TCTN3: variants seen among roughly 807,000 people sequenced by gnomAD.
TCTN3 encodes the protein tectonic family member 3.
Under a neutral mutation model 71.3 loss-of-function variants are expected in TCTN3, and 57 were observed. The ratio of observed to expected loss-of-function variants is 0.80; its 90% CI spans 0.65 to 1.00. The LOEUF is 1.00. TCTN3 is among the 50% of genes least tolerant of loss of function. TCTN3 has a pLI of 0.00. For missense variants in TCTN3, 696 were observed against 719.9 expected (o/e 0.97, Z 0.38); for synonymous variants, 258 against 267.8 (o/e 0.96, Z 0.36).
At position 95,688,247 on chromosome 10, in the gene TCTN3, G is replaced by A. The variant is rs368208809; in HGVS notation, c.500-528C>T. On this transcript the variant is annotated intron_variant, in intron 3 of 13. Coordinates refer to ENST00000371217, the MANE Select transcript of TCTN3 (RefSeq NM_015631.6). ...CTACTAAAAATACAAAAAATTAGCC[G>A]GACATGGTGGCAGGCGCCTGTAATC... is the stretch of plus-strand genomic sequence containing the variant. Among the ~76,000 whole-genome samples the A allele has an allele frequency of 4.2e-4, 64 of 151,768 alleles. No individual in the cohort carries two copies. The Middle Eastern group carries it at 0.02, about 48-fold the overall frequency.
In TCTN3 at chr10:95,663,986, G is replaced by A. The variant is rs1223087761; in HGVS notation, c.*81C>T. 1.6e-5 allele frequency: 18 copies of A among 1,130,816 alleles called. No individual in the cohort carries two copies. Among genetic ancestry groups the A allele is most frequent in the African/African-American group, 3.1e-5 (2 of 65,142 alleles). The allele number at this position is 1,130,816 out of a possible 1,614,324, so 70.0% of individuals were successfully genotyped here. On this transcript the variant is annotated 3_prime_UTR_variant, in exon 14 of 14. Transcript: ENST00000371217. The stretch of plus-strand genomic sequence containing the variant: ...CTAAATGCTCTCTGGTCATGAGCAG[G>A]TGAGGTTCTATTTAGCCAAGATAAG...
chr10:95,683,356 G>C (rs2097944988), intron 10 of TCTN3, 161 bp from the exon 11 acceptor site: 5 of 1,506,216 alleles, frequency 3.3e-6, no homozygotes, highest in Non-Finnish European at 4.4e-6. Context: ...GAAAACCACA[G>C]AGAGACAACT....
chr10:95,686,112 CA>C (rs571105859), intron 7 of TCTN3, among the ~76,000 whole-genome samples: 3 of 152,182 alleles, frequency 2.0e-5, no homozygotes, highest in Non-Finnish European at 4.4e-5. Flanking sequence ...TCTATAGTCC[CA>C]GCTACTTGGG....
intron 3 of TCTN3, among the ~76,000 whole-genome samples, chr10:95,690,138 C>T (rs530292879): frequency 2.1e-4 from 32 of 151,996 alleles, no homozygotes; most frequent in African/African-American, 7.5e-4. Flanking sequence ...CATGCACCAC[C>T]ACACCCAGCT....
chr10:95,669,430 T>A (rs1443555421), intron 13 of TCTN3, among the ~76,000 whole-genome samples: 3 of 152,166 alleles, frequency 2.0e-5, no homozygotes, highest in Non-Finnish European at 4.4e-5. Flanking sequence ...AACCTCCACA[T>A]CTACATAGCC....
chr10:95,672,685 CTTTTTT>C (rs766029244), intron 13 of TCTN3, among the ~76,000 whole-genome samples: 1 of 80,374 alleles, frequency 1.2e-5, no homozygotes, highest in South Asian at 4.7e-4. Flanking sequence ...CTGTTCAAAT[CTTTTTT>C]TTTTTTTTTT....
intron 13 of TCTN3, among the ~76,000 whole-genome samples, chr10:95,673,937 G>C (rs2097934183): frequency 6.6e-6 from 1 of 152,094 alleles, no homozygotes; most frequent in African/African-American, 2.4e-5. Context: ...TGTCCCATTG[G>C]TCTGTCTATC....
chr10:95,673,714 C>T (rs954835127), intron 13 of TCTN3, among the ~76,000 whole-genome samples: 8 of 152,088 alleles, frequency 5.3e-5, no homozygotes, highest in Non-Finnish European at 1.2e-4. Flanking sequence ...TGGCATGTGC[C>T]TGTAGTCCTA....
intron 9 of TCTN3, 27 bp from the exon 10 acceptor site, chr10:95,683,656 T>C: frequency 6.3e-7 from 1 of 1,589,110 alleles, no homozygotes; most frequent in Non-Finnish European, 8.6e-7. Context: ...GAGAAGTCAA[T>C]TATGGAGATA....
chr10:95,682,996 A>G (rs2097944563), intron 11 of TCTN3, 105 bp downstream of exon 11: 1 of 1,298,892 alleles, frequency 7.7e-7, no homozygotes, highest in Admixed American at 2.0e-5. Flanking sequence ...ACTATTCCTG[A>G]CTAGCATTTT....
chr10:95,683,872 A>G (rs1206337638), intron 9 of TCTN3, among the ~76,000 whole-genome samples: 1 of 152,226 alleles, frequency 6.6e-6, no homozygotes. Flanking sequence ...AAGGATTACA[A>G]CCAAGAATCT....
Position 95,680,464 on chromosome 10 carries a change from TGACTTACCTGTATAGA to T in TCTN3, c.1582_1590+7del, listed in dbSNP as rs781327291. On this transcript the variant is annotated splice_donor_variant and splice_donor_5th_base_variant and coding_sequence_variant and intron_variant, in exon 13 of 14. Coordinates refer to ENST00000371217, the MANE Select transcript of TCTN3 (RefSeq NM_015631.6). LOFTEE classifies it high-confidence loss of function. Reference sequence around the variant, plus strand: ...AGGTTTAGTGATCCTTTATGAGCCATGACTTACCTGTATAGACTGGCACTGGTATAGGAATCGAACT... The same window carrying T: ...AGGTTTAGTGATCCTTTATGAGCCATCTGGCACTGGTATAGGAATCGAACT... The T allele has an allele frequency of 6.2e-7, 1 of 1,610,224 alleles. No homozygotes were observed. The highest frequency in any genetic ancestry group is 8.5e-7 in the Non-Finnish European group (1 of 1,178,628).
intron 3 of TCTN3, among the ~76,000 whole-genome samples, chr10:95,690,930 C>T (rs946060187): frequency 4.6e-5 from 7 of 152,144 alleles, no homozygotes; most frequent in Admixed American, 1.3e-4. Flanking sequence ...ACCCCACCCT[C>T]GTTCAGGAAA....
At chr10:95,670,012 C>T (rs1044269432) in intron 13 of TCTN3, among the ~76,000 whole-genome samples, 1 of 137,682 alleles carries the variant, frequency 7.3e-6, no homozygotes, top group Non-Finnish European at 1.5e-5. Flanking sequence ...TGCAGTGAGC[C>T]GAGATTGCGC....
chr10:95,688,419 GAAAA>G (rs1469045662), intron 3 of TCTN3, among the ~76,000 whole-genome samples: 1 of 79,760 alleles, frequency 1.3e-5, no homozygotes, highest in Non-Finnish European at 2.7e-5. Flanking sequence ...AAAAAAAAAA[GAAAA>G]AAAAAGAAAA....
intron 13 of TCTN3, among the ~76,000 whole-genome samples, chr10:95,667,786 C>G (rs1181145780): frequency 5.3e-5 from 8 of 152,182 alleles, no homozygotes; most frequent in Admixed American, 5.2e-4. Context: ...AAAAAATTAA[C>G]AGTTCCAGCA....
At chr10:95,690,472 G>C (rs1321680271) in intron 3 of TCTN3, among the ~76,000 whole-genome samples, 1 of 152,144 alleles carries the variant, frequency 6.6e-6, no homozygotes, top group Non-Finnish European at 1.5e-5. Context: ...ACTTCCAAAA[G>C]ATGAGCAAGA....
chr10:95,689,445 G>A (rs1256377563), intron 3 of TCTN3, among the ~76,000 whole-genome samples: 3 of 152,036 alleles, frequency 2.0e-5, no homozygotes, highest in Non-Finnish European at 4.4e-5. Flanking sequence ...CATTTCCTTC[G>A]GAACTCATAC....
In TCTN3 at chr10:95,664,275, G is replaced by A. The variant is rs1432808142; in HGVS notation, c.1616C>T (p.Ser539Phe). Reference protein sequence around the residue: ...IQDSQQVTEVSLTTLVNFVDI... With the variant: ...IQDSQQVTEVFLTTLVNFVDI... Reference sequence around the variant, plus strand: ...CACAAAGTTCACAAGAGTTGTCAAAGATACTTCTGTAACTTGCTGAGAATC... The same window carrying A: ...CACAAAGTTCACAAGAGTTGTCAAAAATACTTCTGTAACTTGCTGAGAATC... Residue 539 changes from serine (S) to phenylalanine (F), a missense_variant, in exon 14 of 14, where the codon TCT becomes TTT. Physicochemically the swap from Ser to Phe is radical, Grantham distance 155 (BLOSUM62 -2). Transcript: ENST00000371217. 6.2e-7 allele frequency: 1 copy of A among 1,614,070 alleles called. No individual in the cohort carries two copies. The highest frequency in any genetic ancestry group is 1.7e-5 in the Admixed American group (1 of 60,024).
Sources: gnomAD v4.1 joint callset for allele counts (sites outside exome capture counted in the v4.1 genomes callset) on GRCh38, gnomAD v4.1.1 for gene constraint, MANE v1.5 for transcripts, NCBI Gene and HGNC (gene_info 2026-07-23, HGNC 2026-07-21) for gene names.